The following IRX2 variants were observed in gnomAD, a reference collection of about 807,000 sequenced individuals.
IRX2 encodes the protein iroquois-class homeodomain protein IRX-2.
IRX2 carries 26 observed loss-of-function variants against 42.9 expected under a neutral mutation model. The observed-to-expected ratio is 0.61, with a 90% CI of 0.44 to 0.84. The LOEUF (loss-of-function observed/expected upper bound fraction) is 0.84, where lower values mean the gene tolerates loss of function less well. Among genes scored for constraint, IRX2 ranks in the 40% least tolerant of loss-of-function variants. The pLI is 0.00. For missense variants in IRX2, 782 were observed against 713.9 expected (o/e 1.10, Z -1.09); for synonymous variants, 424 against 353.9 (o/e 1.20, Z -2.22).
the IRX2 span, among the ~76,000 whole-genome samples, chr5:2,739,273 G>C: frequency 6.6e-6 from 1 of 152,220 alleles, no homozygotes; most frequent in Non-Finnish European, 1.5e-5. Flanking sequence ...GTCCCCCGAG[G>C]TGTCGCCTGC....
downstream of IRX2, among the ~76,000 whole-genome samples, chr5:2,741,239 GC>G (rs1274970029): frequency 6.6e-6 from 1 of 152,266 alleles, no homozygotes; most frequent in Non-Finnish European, 1.5e-5. Context: ...GAGGGAAGAG[GC>G]AAGAACTCCT....
In IRX2 at chr5:2,748,292, C is replaced by G. The variant is rs895681422; in HGVS notation, c.1363+53G>C. Reference sequence around the variant, plus strand: ...CGGGTCTCCCGGGCGCTCCGCCTCCCCGGGGCTGGCTCTCCCTCCCCTCCC... The same window carrying G: ...CGGGTCTCCCGGGCGCTCCGCCTCCGCGGGGCTGGCTCTCCCTCCCCTCCC... On this transcript the variant is annotated intron_variant, in intron 3 of 3. Coordinates refer to ENST00000302057, the MANE Select transcript of IRX2 (RefSeq NM_033267.5). The G allele has an allele frequency of 2.2e-6, 3 of 1,356,586 alleles. No homozygotes were observed. The African/African-American group carries it at 4.6e-5, about 21-fold the overall frequency. 84.0% of individuals were successfully genotyped at this position (1,356,586 alleles called of 1,614,324 possible). A position where few individuals can be genotyped will look rare whatever the true frequency, so the allele number is the denominator to read the frequency against.
the IRX2 span, among the ~76,000 whole-genome samples, chr5:2,735,942 C>T: frequency 6.6e-6 from 1 of 152,174 alleles, no homozygotes; most frequent in East Asian, 1.9e-4. Flanking sequence ...GAAATTGGAA[C>T]TATTAACCTC....
At position 2,746,723 on chromosome 5, in the gene IRX2, G is replaced by T. The variant is rs1421110381; in HGVS notation, c.*841C>A. ...TTGTATCTGTAAATTTATGAGCTTG[G>T]GAAGAGAGAATGGCCTGCTGACTTT... On this transcript the variant is annotated 3_prime_UTR_variant, in exon 4 of 4. Coordinates refer to ENST00000302057, the MANE Select transcript of IRX2 (RefSeq NM_033267.5). 2 of 146,646 alleles carry T rather than the reference G, an allele frequency of 1.4e-5. No homozygotes were observed. Among genetic ancestry groups the T allele is most frequent in the Non-Finnish European group, 3.0e-5 (2 of 66,792 alleles). The allele number at this position is 146,646 out of a possible 1,614,324, so 9.1% of individuals were successfully genotyped here.
At chr5:2,749,160 C>A in intron 2 of IRX2, 108 bp from the exon 3 acceptor site, 3 of 1,494,782 alleles carry the variant, frequency 2.0e-6, no homozygotes, top group Non-Finnish European at 2.7e-6. Context: ...GGACCCCTCA[C>A]CTCGCCCCCA....
rs1737689614 is a variant in IRX2, at chr5:2,746,969, T to C, written c.*595A>G. ...GATACTGTTGTGAGCCCCGGGAGAA[T>C]GTCAGAGTCCTGTCCACTTGGACAT... On this transcript the variant is annotated 3_prime_UTR_variant, in exon 4 of 4. Transcript: ENST00000302057. 6.6e-6 allele frequency: 1 copy of C among 152,288 alleles called. No individual in the cohort carries two copies. Among genetic ancestry groups the C allele is most frequent in the Non-Finnish European group, 1.5e-5 (1 of 68,038 alleles). 9.4% of individuals were successfully genotyped at this position (152,288 alleles called of 1,614,324 possible).
At chr5:2,741,884 G>A (rs1737550251), downstream of IRX2, among the ~76,000 whole-genome samples, 1 of 152,208 alleles carries the variant, frequency 6.6e-6, no homozygotes, top group South Asian at 2.1e-4. Flanking sequence ...TTATCATGGG[G>A]CCAGAGTTAA....
downstream of IRX2, among the ~76,000 whole-genome samples, chr5:2,744,394 A>G (rs1347294052): frequency 6.6e-6 from 1 of 152,216 alleles, no homozygotes; most frequent in Non-Finnish European, 1.5e-5. Flanking sequence ...CACATAGCAG[A>G]GACATTGCTG....
In IRX2 at chr5:2,751,294, C is replaced by G; in HGVS notation, c.120G>C (p.Ala40=). The G allele has an allele frequency of 7.0e-7, 1 of 1,432,694 alleles. No individual in the cohort carries two copies. The highest frequency in any genetic ancestry group is 1.3e-5 in the South Asian group (1 of 75,132). The allele number at this position is 1,432,694 out of a possible 1,614,324, so 88.7% of individuals were successfully genotyped here. A position where few individuals can be genotyped will look rare whatever the true frequency, so the allele number is the denominator to read the frequency against. ...GGTAGGGGCTGAACGCCGAGCCCGA[C>G]GCCGAGCGCGCCAGCTCCTCGCTGC... ...APRSEELARS[A]SGSAFSPYPG... is the part of the protein sequence containing the mutation. The change falls in exon 1 of 4, where the codon GCG becomes GCC. Residue 40 remains alanine (A), a synonymous_variant. Transcript: ENST00000302057. The surrounding 1 kb of genome is among the most constrained non-coding windows in gnomAD (Gnocchi z 4.0).
At position 2,747,296 on chromosome 5, in the gene IRX2, C is replaced by T. The variant is rs1737705121; in HGVS notation, c.*268G>A. ...TATATACATATATATATTACACACA[C>T]ACACACACACATATATATATATATT... On this transcript the variant is annotated 3_prime_UTR_variant, in exon 4 of 4. Coordinates refer to ENST00000302057, the MANE Select transcript of IRX2 (RefSeq NM_033267.5). 8.3e-6 allele frequency: 2 copies of T among 240,188 alleles called. No homozygotes were observed. Among genetic ancestry groups the T allele is most frequent in the Admixed American group, 5.1e-5 (1 of 19,724 alleles). 14.9% of individuals were successfully genotyped at this position (240,188 alleles called of 1,614,324 possible).
At chr5:2,738,644 C>A in the IRX2 span, among the ~76,000 whole-genome samples, 1 of 152,140 alleles carries the variant, frequency 6.6e-6, no homozygotes, top group Non-Finnish European at 1.5e-5. Context: ...AAGGATGGGG[C>A]TCATCACAGG....
rs1222756568 is a variant in IRX2, at chr5:2,749,386, G to C, written c.651C>G (p.Asp217Glu). ...CGCCGGCCGCTGCCCGCTCACCTTCGTCCTCTGCCGAGGTCTCCGTGCCCT... is the reference window on the plus strand; with the variant it reads ...CGCCGGCCGCTGCCCGCTCACCTTCCTCCTCTGCCGAGGTCTCCGTGCCCT... ...AQEGTETSAEDEGISLHVDSL... is the reference protein window; with the variant it reads ...AQEGTETSAEEEGISLHVDSL... Residue 217 changes from aspartate to glutamate, a missense_variant, in exon 2 of 4, where the codon GAC (aspartate) becomes GAG (glutamate). Physicochemically the swap from Asp to Glu is conservative, Grantham distance 45 (BLOSUM62 2). This residue lies in a region of IRX2 where 520 missense variants were observed against 437.8 expected (regional missense o/e 1.19). Coordinates refer to ENST00000302057, the MANE Select transcript of IRX2 (RefSeq NM_033267.5). 4 of 1,604,650 alleles carry C rather than the reference G, an allele frequency of 2.5e-6. No homozygotes were observed. Among genetic ancestry groups the C allele is most frequent in the Non-Finnish European group, 3.4e-6 (4 of 1,175,864 alleles).
At chr5:2,750,852 C>G (rs1737928934) in intron 1 of IRX2, among the ~76,000 whole-genome samples, 1 of 152,208 alleles carries the variant, frequency 6.6e-6, no homozygotes, top group Non-Finnish European at 1.5e-5. Context: ...CAGGGACAAA[C>G]GGCGCCAGAC....
chr5:2,740,176 GGC>G, the IRX2 span, among the ~76,000 whole-genome samples: 3 of 146,150 alleles, frequency 2.1e-5, no homozygotes, highest in African/African-American at 8.2e-5. Context: ...GGGCAGTCGT[GGC>G]GTGCGGGGGC....
Position 2,751,297 on chromosome 5 carries a change from C to G in IRX2, c.117G>C (p.Ser39=), listed in dbSNP as rs11539256. ...AAPRSEELAR[S]ASGSAFSPYP... ...AGGGGCTGAACGCCGAGCCCGACGC[C>G]GAGCGCGCCAGCTCCTCGCTGCGCG... Residue 39 remains serine (S), a synonymous_variant, in exon 1 of 4, where the codon TCG becomes TCC. Transcript: ENST00000302057. This position sits in a 1 kb window ranked among gnomAD's most constrained non-coding sequence, Gnocchi z 4.0. The G allele has an allele frequency of 6.7e-4, 965 of 1,433,662 alleles. 24 individuals carry two copies. The East Asian group carries it at 0.03, about 44-fold the overall frequency. The allele number at this position is 1,433,662 out of a possible 1,614,324, so 88.8% of individuals were successfully genotyped here.
rs534166268 is a variant in IRX2 at position 2,747,413 on chromosome 5, A to G, written c.*151T>C. On this transcript the variant is annotated 3_prime_UTR_variant, in exon 4 of 4. Coordinates refer to ENST00000302057, the MANE Select transcript of IRX2 (RefSeq NM_033267.5). ...GAAAATATAGTTTCCCCCTTAAGGA[A>G]AGAAAAGCTGGACAAGATTGAAATG... is the stretch of plus-strand genomic sequence containing the variant. 1 of 602,532 alleles carries G rather than the reference A, an allele frequency of 1.7e-6. No individual in the cohort carries two copies. The highest frequency in any genetic ancestry group is 2.6e-5 in the South Asian group (1 of 38,086). The allele number at this position is 602,532 out of a possible 1,614,324, so 37.3% of individuals were successfully genotyped here. A position where few individuals can be genotyped will look rare whatever the true frequency, so the allele number is the denominator to read the frequency against.
At chr5:2,742,695 T>G (rs1737569123), downstream of IRX2, among the ~76,000 whole-genome samples, 1 of 152,210 alleles carries the variant, frequency 6.6e-6, no homozygotes, top group Admixed American at 6.5e-5. Context: ...AATTATATAG[T>G]GATAATTATT....
chr5:2,749,821 C>A (rs963854033), intron 1 of IRX2, 34 bp from the exon 2 acceptor site: 2 of 1,546,092 alleles, frequency 1.3e-6, no homozygotes, highest in Admixed American at 1.8e-5. Context: ...GTGGAGTATG[C>A]GGAGACCCCG....
At chr5:2,743,834 A>G (rs1737598944), downstream of IRX2, among the ~76,000 whole-genome samples, 1 of 152,144 alleles carries the variant, frequency 6.6e-6, no homozygotes, top group South Asian at 2.1e-4. Flanking sequence ...ATCACTCTAC[A>G]TTTCTTTAAA....
Sources: gnomAD v4.1 joint callset for allele counts (sites outside exome capture counted in the v4.1 genomes callset) on GRCh38, gnomAD v4.1.1 for gene constraint, gnomAD v4.1.1 regional missense constraint, Gnocchi (gnomAD v3.1) non-coding constraint, MANE v1.5 for transcripts, NCBI Gene and HGNC (gene_info 2026-07-23, HGNC 2026-07-21) for gene names.